The following RSPO3 variants were observed in gnomAD, a reference collection of about 807,000 sequenced individuals.
RSPO3 encodes the protein R-spondin-3.
In RSPO3, 17 loss-of-function variants were observed where a neutral mutation model predicts 36.5. The observed-to-expected ratio is 0.47, with a 90% confidence interval of 0.32 to 0.70. The LOEUF is 0.70. Among genes scored for constraint, RSPO3 ranks in the 30% least tolerant of loss-of-function variants. RSPO3 has a pLI of 0.04. For synonymous variants in RSPO3, 108 were observed against 107.0 expected, an observed-to-expected ratio of 1.01 and a Z score of -0.06; for missense variants, 294 against 322.5, an observed-to-expected ratio of 0.91 and a Z score of 0.68.
rs1032455042 is a variant in RSPO3, at chr6:127,197,634, G to T, written c.*1627G>T. 7.2e-7 allele frequency: 1 copy of T among 1,381,576 alleles called. No individual in the cohort carries two copies. The highest frequency in any genetic ancestry group is 9.6e-7 in the Non-Finnish European group (1 of 1,038,824). 85.6% of individuals were successfully genotyped at this position (1,381,576 alleles called of 1,614,324 possible). On this transcript the variant is annotated 3_prime_UTR_variant, in exon 5 of 5. Coordinates refer to ENST00000356698, the MANE Select transcript of RSPO3 (RefSeq NM_032784.5). ...CACTGCTTTCTGAAGAATTTGCAAT[G>T]ACTCTGGCTTCTGGCTGCTTATCTC...
chr6:127,177,770 AT>A (rs983762500), intron 4 of RSPO3, among the ~76,000 whole-genome samples: 55 of 147,888 alleles, frequency 3.7e-4, no homozygotes, highest in Admixed American at 6.1e-4. Context: ...CAAGAAGCCA[AT>A]TTTTTTTTTT....
intron 4 of RSPO3, among the ~76,000 whole-genome samples, chr6:127,173,422 C>A (rs1271830652): frequency 1.3e-5 from 2 of 151,826 alleles, no homozygotes; most frequent in African/African-American, 4.8e-5. Flanking sequence ...GCAATTTTCA[C>A]AGGATTATGC....
chr6:127,119,011 T>C lies in RSPO3; in HGVS notation c.-182T>C. 1 of 493,958 alleles carries C rather than the reference T, an allele frequency of 2.0e-6. No individual in the cohort carries two copies. The highest frequency in any genetic ancestry group is 2.0e-5 in the African/African-American group (1 of 50,816). 30.6% of individuals were successfully genotyped at this position (493,958 alleles called of 1,614,324 possible). A position where few individuals can be genotyped will look rare whatever the true frequency, so the allele number is the denominator to read the frequency against. ...TAATTTGAAAGTACAATAGTTGGTT[T>C]CCCTGTCCACCCGCCCCACTTCGCT... On this transcript the variant is annotated 5_prime_UTR_variant, in exon 1 of 5. Coordinates refer to ENST00000356698, the MANE Select transcript of RSPO3 (RefSeq NM_032784.5).
At chr6:127,194,345 T>C (rs1775470443) in intron 4 of RSPO3, among the ~76,000 whole-genome samples, 1 of 152,348 alleles carries the variant, frequency 6.6e-6, no homozygotes, top group Middle Eastern at 3.4e-3. Flanking sequence ...AAATTTTAAA[T>C]GACCCAGTAT....
intron 3 of RSPO3, among the ~76,000 whole-genome samples, chr6:127,152,693 G>C (rs1468119941): frequency 6.6e-6 from 1 of 152,212 alleles, no homozygotes; most frequent in Non-Finnish European, 1.5e-5. Flanking sequence ...CCCTGATATA[G>C]AGCTGGGATG....
At chr6:127,165,161 G>T (rs1232261644) in intron 4 of RSPO3, among the ~76,000 whole-genome samples, 1 of 151,864 alleles carries the variant, frequency 6.6e-6, no homozygotes, top group African/African-American at 2.4e-5. Flanking sequence ...AAAAATAAAA[G>T]ATATAGAAAA....
At chr6:127,152,618 C>T (rs1365664286) in intron 3 of RSPO3, among the ~76,000 whole-genome samples, 2 of 151,988 alleles carry the variant, frequency 1.3e-5, no homozygotes, top group Admixed American at 6.6e-5. Flanking sequence ...AAATCCACAC[C>T]GTATTTCTAC....
At chr6:127,187,306 A>C (rs1298147174) in intron 4 of RSPO3, among the ~76,000 whole-genome samples, 2 of 152,150 alleles carry the variant, frequency 1.3e-5, no homozygotes, top group African/African-American at 4.8e-5. Flanking sequence ...CCACTGACTA[A>C]ATTTCTGAAG....
At chr6:127,179,154 T>G (rs1457694100) in intron 4 of RSPO3, among the ~76,000 whole-genome samples, 1 of 151,838 alleles carries the variant, frequency 6.6e-6, no homozygotes, top group African/African-American at 2.4e-5. Flanking sequence ...AAAAACACAG[T>G]GGAGAATACC....
At chr6:127,127,451 T>C (rs1773960262) in intron 1 of RSPO3, among the ~76,000 whole-genome samples, 1 of 152,186 alleles carries the variant, frequency 6.6e-6, no homozygotes, top group South Asian at 2.1e-4. Context: ...TATATTTATG[T>C]ACATCTTATC....
chr6:127,125,676 G>T (rs1773926337), intron 1 of RSPO3, among the ~76,000 whole-genome samples: 1 of 152,066 alleles, frequency 6.6e-6, no homozygotes, highest in Admixed American at 6.6e-5. Flanking sequence ...ATCACATAAA[G>T]GTTAACGAGT....
chr6:127,181,025 T>A (rs1385452235), intron 4 of RSPO3, among the ~76,000 whole-genome samples: 1 of 151,852 alleles, frequency 6.6e-6, no homozygotes, highest in Non-Finnish European at 1.5e-5. Flanking sequence ...TATTTAAAAT[T>A]TAATGTCCCA....
intron 4 of RSPO3, among the ~76,000 whole-genome samples, chr6:127,165,291 T>C (rs559211344): frequency 2.6e-5 from 4 of 152,206 alleles, no homozygotes; most frequent in African/African-American, 9.6e-5. Flanking sequence ...GAATACAATT[T>C]AGATGGCTAA....
chr6:127,149,991 A>G (rs1252329403), intron 2 of RSPO3, among the ~76,000 whole-genome samples: 1 of 152,032 alleles, frequency 6.6e-6, no homozygotes, highest in Non-Finnish European at 1.5e-5. Flanking sequence ...CTGTCAACCA[A>G]TATAAAAAAC....
At chr6:127,151,053 A>C (rs1420700447) in intron 3 of RSPO3, among the ~76,000 whole-genome samples, 1 of 151,950 alleles carries the variant, frequency 6.6e-6, no homozygotes, top group Non-Finnish European at 1.5e-5. Context: ...CAAGGTGGGA[A>C]CATATATTCT....
chr6:127,159,353 G>T (rs1486747523), intron 4 of RSPO3, among the ~76,000 whole-genome samples: 1 of 152,022 alleles, frequency 6.6e-6, no homozygotes, highest in Non-Finnish European at 1.5e-5. Flanking sequence ...TATGATCTTG[G>T]GATAGAAAGG....
intron 1 of RSPO3, among the ~76,000 whole-genome samples, chr6:127,143,726 T>C (rs541045708): frequency 2.0e-5 from 3 of 152,264 alleles, no homozygotes; most frequent in Admixed American, 6.5e-5. Flanking sequence ...CAACTTACAA[T>C]AGATGTTAGT....
At chr6:127,180,505 A>G (rs1222794084) in intron 4 of RSPO3, among the ~76,000 whole-genome samples, 1 of 149,764 alleles carries the variant, frequency 6.7e-6, no homozygotes, top group African/African-American at 2.4e-5. Context: ...AAAAAAAAAA[A>G]AAAAAAAAAA....
intron 4 of RSPO3, among the ~76,000 whole-genome samples, chr6:127,180,971 T>G (rs1228993213): frequency 6.6e-6 from 1 of 151,848 alleles, no homozygotes; most frequent in South Asian, 2.1e-4. Flanking sequence ...TGATGAGTAA[T>G]ATAGCCAAGT....
Sources: allele counts gnomAD v4.1 joint callset (sites outside exome capture counted in the v4.1 genomes callset), GRCh38; gene constraint gnomAD v4.1.1; transcripts MANE v1.5; gene names NCBI Gene and HGNC (gene_info 2026-07-23, HGNC 2026-07-21).